REEP3: variants seen among roughly 807,000 people sequenced by gnomAD.
The protein encoded by REEP3 is receptor accessory protein 3.
REEP3 carries 20 observed loss-of-function variants against 41.3 expected under a neutral mutation model. The ratio of observed to expected loss-of-function variants is 0.48; its 90% confidence interval spans 0.34 to 0.70. The LOEUF (loss-of-function observed/expected upper bound fraction) is 0.70, where lower values mean the gene tolerates loss of function less well. Ranked by LOEUF, REEP3 falls within the 30% of genes least tolerant of loss-of-function variation. The pLI is 0.01. For missense variants in REEP3, 271 were observed against 308.8 expected, an observed-to-expected ratio of 0.88 and a Z score of 0.92; for synonymous variants, 104 against 101.8, an observed-to-expected ratio of 1.02 and a Z score of -0.13.
At chr10:63,555,100 A>G (rs1193918551) in intron 1 of REEP3, among the ~76,000 whole-genome samples, 1 of 152,198 alleles carries the variant, frequency 6.6e-6, no homozygotes, top group African/African-American at 2.4e-5. Context: ...AGCTAAGTTT[A>G]GCTCTAACAT....
intron 1 of REEP3, among the ~76,000 whole-genome samples, chr10:63,552,142 C>T (rs963424879): frequency 6.6e-6 from 1 of 152,112 alleles, no homozygotes; most frequent in African/African-American, 2.4e-5. Flanking sequence ...CAGTGGCTCA[C>T]GCCTGTAATC....
chr10:63,569,447 C>T (rs977199353), intron 2 of REEP3, among the ~76,000 whole-genome samples: 6 of 146,096 alleles, frequency 4.1e-5, no homozygotes, highest in Admixed American at 1.4e-4. Context: ...TTTGTGCTTA[C>T]GGTATTCTCC....
At chr10:63,521,788 C>T (rs758446873) in intron 1 of REEP3, 20 of 321,306 alleles carry the variant, frequency 6.2e-5, no homozygotes, top group Non-Finnish European at 1.0e-4. Context: ...GGCCTAGCTG[C>T]GGCGACTGCG....
At position 63,619,689 on chromosome 10, in the gene REEP3, A is replaced by G; in HGVS notation, c.600A>G (p.Lys200=). The G allele has an allele frequency of 6.2e-7, 1 of 1,605,100 alleles. No individual in the cohort carries two copies. The highest frequency in any genetic ancestry group is 8.5e-7 in the Non-Finnish European group (1 of 1,175,642). Residue 200 remains lysine, a synonymous_variant, in exon 7 of 8, where the codon AAA becomes AAG. Transcript: ENST00000373758. ...YGIPLKDGDE[K]TDEEAEGPYS... is the part of the protein sequence containing the mutation. ...TTCCACTGAAAGACGGAGATGAGAA[A>G]ACAGATGAAGAAGCAGAGGGGCCAT...
chr10:63,533,710 C>CTGTTTTTTTTTTTTTTTTTTT (rs1955446795), intron 1 of REEP3, among the ~76,000 whole-genome samples: 1 of 101,070 alleles, frequency 9.9e-6, no homozygotes, highest in African/African-American at 3.3e-5. Context: ...GTATGTAAAT[C>CTGTTTTTTTTTTTTTTTTTTT]TTTTTTTTTT....
At chr10:63,614,585 T>C (rs1956299059) in intron 6 of REEP3, among the ~76,000 whole-genome samples, 1 of 152,202 alleles carries the variant, frequency 6.6e-6, no homozygotes, top group Admixed American at 6.5e-5. Context: ...ACCTGGCAGC[T>C]GAAGGCTCCC....
chr10:63,610,582 A>AAT lies in REEP3; in HGVS notation c.565+260_565+261dup, dbSNP rs941244530. 1.9e-4 allele frequency among the ~76,000 whole-genome samples: 29 copies of AAT among 151,814 alleles called. No homozygotes were observed. In the East Asian group the frequency reaches 2.9e-3, roughly 15 times the overall value. ...ATCCTGGAACTTCCAGTAAAATTAA[A>AAT]ATATATATATATACACGTATATATA... On this transcript the variant is annotated intron_variant, in intron 6 of 7. Transcript: ENST00000373758.
chr10:63,542,086 T>TTG (rs1811724829), intron 1 of REEP3, among the ~76,000 whole-genome samples: 1 of 16,654 alleles, frequency 6.0e-5, no homozygotes, highest in African/African-American at 4.3e-4. Context: ...TTTGTTTTTG[T>TTG]TTTTTTTTTT....
intron 1 of REEP3, among the ~76,000 whole-genome samples, chr10:63,537,234 T>A (rs1191342343): frequency 6.6e-6 from 1 of 151,988 alleles, no homozygotes; most frequent in Non-Finnish European, 1.5e-5. Flanking sequence ...TTGTGTTTTG[T>A]TTTTTTTAAA....
At chr10:63,606,256 C>CT (rs1956224254) in intron 5 of REEP3, 1 of 69,682 alleles carries the variant, frequency 1.4e-5, no homozygotes, top group Non-Finnish European at 2.8e-5. Flanking sequence ...TAGACTAGAA[C>CT]TTTTCTTTTT....
At chr10:63,544,803 A>G (rs1447711697) in intron 1 of REEP3, among the ~76,000 whole-genome samples, 3 of 152,242 alleles carry the variant, frequency 2.0e-5, no homozygotes, top group Non-Finnish European at 4.4e-5. Flanking sequence ...TTTTAAAGTA[A>G]CATTTGGTAA....
chr10:63,557,318 G>C (rs1014676864), intron 1 of REEP3, among the ~76,000 whole-genome samples: 2 of 152,126 alleles, frequency 1.3e-5, no homozygotes, highest in Non-Finnish European at 2.9e-5. Context: ...GAAGAGCATA[G>C]TAAAATGTAA....
At chr10:63,603,871 G>C (rs1464004094) in intron 5 of REEP3, among the ~76,000 whole-genome samples, 2 of 152,194 alleles carry the variant, frequency 1.3e-5, no homozygotes, top group Non-Finnish European at 2.9e-5. Context: ...CATCTCTGCA[G>C]ATGTCAAACA....
chr10:63,528,668 T>C (rs1472997716), intron 1 of REEP3, among the ~76,000 whole-genome samples: 3 of 152,172 alleles, frequency 2.0e-5, no homozygotes, highest in Non-Finnish European at 4.4e-5. Context: ...TCTGGACTTT[T>C]TTCCATCTCA....
At chr10:63,593,636 T>G (rs1047020639) in intron 2 of REEP3, among the ~76,000 whole-genome samples, 1 of 152,162 alleles carries the variant, frequency 6.6e-6, no homozygotes, top group African/African-American at 2.4e-5. Flanking sequence ...TACGTGAAAC[T>G]CCAGTGCACT....
intron 5 of REEP3, among the ~76,000 whole-genome samples, chr10:63,601,256 C>G (rs1956169361): frequency 6.6e-6 from 1 of 152,112 alleles, no homozygotes; most frequent in African/African-American, 2.4e-5. Context: ...ATCCATGATA[C>G]CATCATGATT....
At chr10:63,617,399 A>G (rs901422638) in intron 6 of REEP3, among the ~76,000 whole-genome samples, 14 of 152,180 alleles carry the variant, frequency 9.2e-5, no homozygotes, top group Non-Finnish European at 2.1e-4. Flanking sequence ...GAGCAGACCA[A>G]TAAACATGTA....
chr10:63,521,636 G>A, intron 1 of REEP3, 59 bp downstream of exon 1: 1 of 1,286,564 alleles, frequency 7.8e-7, no homozygotes, highest in Non-Finnish European at 1.0e-6. Context: ...CTGTGGGAAG[G>A]GGAAGGAGCC....
intron 5 of REEP3, among the ~76,000 whole-genome samples, chr10:63,607,500 A>G (rs1025712319): frequency 6.6e-6 from 1 of 152,184 alleles, no homozygotes. Flanking sequence ...TAGTCTATCC[A>G]TGGAGAAACC....
Sources: allele counts gnomAD v4.1 joint callset (sites outside exome capture counted in the v4.1 genomes callset), GRCh38; gene constraint gnomAD v4.1.1; transcripts MANE v1.5; gene names NCBI Gene and HGNC (gene_info 2026-07-23, HGNC 2026-07-21).